The following ARHGAP15 variants were observed in gnomAD, a reference collection of about 807,000 sequenced individuals.
The protein encoded by ARHGAP15 is Rho GTPase activating protein 15.
Under a neutral mutation model 63.7 loss-of-function variants are expected in ARHGAP15, and 51 were observed. The observed-to-expected ratio is 0.80, with a 90% confidence interval of 0.64 to 1.01. The LOEUF (loss-of-function observed/expected upper bound fraction) is 1.01, where lower values mean the gene tolerates loss of function less well. ARHGAP15 is among the 50% of genes least tolerant of loss of function. The pLI, the probability that ARHGAP15 is intolerant of heterozygous loss-of-function variation, is 0.00. For missense variants in ARHGAP15, 560 were observed against 564.6 expected, an observed-to-expected ratio of 0.99 and a Z score of 0.08; for synonymous variants, 191 against 193.8, an observed-to-expected ratio of 0.99 and a Z score of 0.12.
chr2:143,376,692 T>C (rs1402125296), intron 6 of ARHGAP15, among the ~76,000 whole-genome samples: 1 of 151,888 alleles, frequency 6.6e-6, no homozygotes, highest in African/African-American at 2.4e-5. Context: ...AATATTATAA[T>C]AATTTAATAT....
At chr2:143,287,518 G>A (rs1452401804) in intron 6 of ARHGAP15, among the ~76,000 whole-genome samples, 1 of 151,948 alleles carries the variant, frequency 6.6e-6, no homozygotes, top group South Asian at 2.1e-4. Context: ...TTAAAGAAAT[G>A]TCTGAGTCCC....
intron 6 of ARHGAP15, among the ~76,000 whole-genome samples, chr2:143,386,605 C>A (rs1687298032): frequency 1.3e-5 from 2 of 152,106 alleles, no homozygotes; most frequent in South Asian, 4.2e-4. Flanking sequence ...AAAGGGCCAA[C>A]AGCACACACA....
chr2:143,638,352 G>A (rs950573688), intron 12 of ARHGAP15, among the ~76,000 whole-genome samples: 6 of 149,538 alleles, frequency 4.0e-5, no homozygotes, highest in African/African-American at 1.5e-4. Flanking sequence ...TGGTTTGTAG[G>A]GACATGGATG....
chr2:143,294,593 G>A (rs146583405), intron 6 of ARHGAP15, among the ~76,000 whole-genome samples: 1,683 of 152,084 alleles, frequency 0.011, 23 homozygotes, highest in South Asian at 0.093. Context: ...CAGTGGAAAA[G>A]GAATGAAGAG....
intron 1 of ARHGAP15, among the ~76,000 whole-genome samples, chr2:143,147,869 GT>G (rs1478790255): frequency 2.6e-5 from 4 of 152,000 alleles, no homozygotes; most frequent in African/African-American, 9.7e-5. Flanking sequence ...CTGTTTTAAA[GT>G]TAATTAAGAA....
intron 13 of ARHGAP15, among the ~76,000 whole-genome samples, chr2:143,709,518 G>A (rs983420658): frequency 1.3e-5 from 2 of 152,110 alleles, no homozygotes; most frequent in African/African-American, 4.8e-5. Flanking sequence ...TAAGGAAGTT[G>A]TCCAGCTGTT....
At chr2:143,721,844 G>T (rs1207381648) in intron 13 of ARHGAP15, among the ~76,000 whole-genome samples, 2 of 152,084 alleles carry the variant, frequency 1.3e-5, no homozygotes, top group Non-Finnish European at 2.9e-5. Context: ...CCACCACTGC[G>T]CCCAGCTAAT....
At chr2:143,657,982 T>C (rs1188983652) in intron 12 of ARHGAP15, among the ~76,000 whole-genome samples, 1 of 152,266 alleles carries the variant, frequency 6.6e-6, no homozygotes, top group African/African-American at 2.4e-5. Context: ...TATACATTTT[T>C]TGAAAACATC....
chr2:143,706,070 T>G (rs1684311750), intron 13 of ARHGAP15, among the ~76,000 whole-genome samples: 1 of 152,198 alleles, frequency 6.6e-6, no homozygotes, highest in African/African-American at 2.4e-5. Flanking sequence ...GAAGAAGTGT[T>G]GTTTGCTAGC....
At chr2:143,459,577 A>G (rs1178107668) in intron 8 of ARHGAP15, among the ~76,000 whole-genome samples, 1 of 152,190 alleles carries the variant, frequency 6.6e-6, no homozygotes, top group African/African-American at 2.4e-5. Flanking sequence ...TTGCATACCT[A>G]TGCTTTCTGT....
chr2:143,308,605 T>C (rs565874745), intron 6 of ARHGAP15, among the ~76,000 whole-genome samples: 1 of 152,070 alleles, frequency 6.6e-6, no homozygotes, highest in South Asian at 2.1e-4. Context: ...TAGATTGTTT[T>C]AAGCAAGAAT....
chr2:143,345,360 A>AG (rs921356647), intron 6 of ARHGAP15, among the ~76,000 whole-genome samples: 20 of 152,066 alleles, frequency 1.3e-4, no homozygotes, highest in African/African-American at 4.8e-4. Flanking sequence ...TGTCTCTTTA[A>AG]GCAGATACAC....
intron 6 of ARHGAP15, among the ~76,000 whole-genome samples, chr2:143,405,908 A>G (rs928761278): frequency 6.6e-6 from 1 of 151,930 alleles, no homozygotes; most frequent in African/African-American, 2.4e-5. Context: ...TTCTTTGTCC[A>G]TAAAGTCTGG....
At chr2:143,562,619 A>G (rs1696079218) in intron 11 of ARHGAP15, among the ~76,000 whole-genome samples, 1 of 152,128 alleles carries the variant, frequency 6.6e-6, no homozygotes, top group African/African-American at 2.4e-5. Context: ...ACAATGATTT[A>G]TTTTTCCCAT....
At chr2:143,436,218 A>G (rs1056135403) in intron 7 of ARHGAP15, among the ~76,000 whole-genome samples, 4 of 152,140 alleles carry the variant, frequency 2.6e-5, no homozygotes, top group Non-Finnish European at 5.9e-5. Flanking sequence ...TTTTCTAAGA[A>G]TGAACTTATT....
At chr2:143,260,782 A>T (rs138505446) in intron 6 of ARHGAP15, among the ~76,000 whole-genome samples, 2 of 152,256 alleles carry the variant, frequency 1.3e-5, no homozygotes, top group African/African-American at 4.8e-5. Context: ...TCCTTCTTCA[A>T]AATATGTAAT....
intron 1 of ARHGAP15, among the ~76,000 whole-genome samples, chr2:143,154,437 A>C (rs557985862): frequency 6.6e-6 from 1 of 151,998 alleles, no homozygotes; most frequent in South Asian, 2.1e-4. Flanking sequence ...GCCTCCTTAA[A>C]ACATGATTCT....
At chr2:143,263,792 T>G (rs1680854605) in intron 6 of ARHGAP15, among the ~76,000 whole-genome samples, 2 of 152,142 alleles carry the variant, frequency 1.3e-5, no homozygotes, top group Middle Eastern at 6.8e-3. Flanking sequence ...GTCTATATTC[T>G]AACCTCAGGC....
intron 13 of ARHGAP15, among the ~76,000 whole-genome samples, chr2:143,717,423 A>G (rs1490524808): frequency 2.0e-5 from 3 of 152,142 alleles, no homozygotes; most frequent in Admixed American, 1.3e-4. Context: ...CCCACTGCCC[A>G]TAGGAATTCC....
Sources: allele counts gnomAD v4.1 joint callset (sites outside exome capture counted in the v4.1 genomes callset), GRCh38; gene constraint gnomAD v4.1.1; transcripts MANE v1.5; gene names NCBI Gene and HGNC (gene_info 2026-07-23, HGNC 2026-07-21).